Variants in CTNND2 observed in about 807,000 individuals in gnomAD.
CTNND2 encodes catenin delta 2, also known as catenin delta-2.
Under a neutral mutation model 144.4 loss-of-function variants are expected in CTNND2, and 22 were observed. The observed-to-expected ratio is 0.15, with a 90% CI of 0.11 to 0.22. The LOEUF is 0.22. CTNND2 is among the 10% of genes least tolerant of loss of function. The pLI, the probability that CTNND2 is intolerant of heterozygous loss-of-function variation, is 1.00. For synonymous variants in CTNND2, 751 were observed against 695.6 expected, an observed-to-expected ratio of 1.08 and a Z score of -1.25; for missense variants, 1,353 against 1,618.8, an observed-to-expected ratio of 0.84 and a Z score of 2.82.
At chr5:11,391,579 C>A (rs1362602550) in intron 6 of CTNND2, among the ~76,000 whole-genome samples, 2 of 152,208 alleles carry the variant, frequency 1.3e-5, no homozygotes, top group African/African-American at 2.4e-5. Context: ...GTTTTCTTTT[C>A]AAATCGTCTT....
intron 8 of CTNND2, 188 bp downstream of exon 8, chr5:11,364,508 A>G: frequency 2.1e-6 from 1 of 482,778 alleles, no homozygotes; most frequent in Non-Finnish European, 3.5e-6. Context: ...GATTATACCA[A>G]GGTAGCCTGA....
At chr5:11,726,439 A>G (rs2126729409) in intron 2 of CTNND2, among the ~76,000 whole-genome samples, 1 of 152,296 alleles carries the variant, frequency 6.6e-6, no homozygotes. Context: ...ATCTCCCTAA[A>G]TATTTGCAGC....
chr5:11,013,051 C>A (rs958960695), intron 18 of CTNND2, among the ~76,000 whole-genome samples: 4 of 152,164 alleles, frequency 2.6e-5, no homozygotes, highest in Admixed American at 6.5e-5. Flanking sequence ...ATCTCTCTCA[C>A]CTTCCCCTCA....
chr5:11,350,492 T>C (rs1036040615), intron 8 of CTNND2, among the ~76,000 whole-genome samples: 1 of 152,142 alleles, frequency 6.6e-6, no homozygotes, highest in African/African-American at 2.4e-5. Context: ...AAAAAGATTA[T>C]ATATTTAAAA....
At chr5:11,850,575 TA>T (rs1456617210) in intron 1 of CTNND2, among the ~76,000 whole-genome samples, 1 of 152,156 alleles carries the variant, frequency 6.6e-6, no homozygotes, top group East Asian at 1.9e-4. Flanking sequence ...TTATGATTAA[TA>T]AAAAATATTT....
intron 1 of CTNND2, among the ~76,000 whole-genome samples, chr5:11,899,631 A>T (rs1737697742): frequency 6.6e-6 from 1 of 152,230 alleles, no homozygotes; most frequent in Non-Finnish European, 1.5e-5. Flanking sequence ...AGATATGTAT[A>T]AAACATTAGT....
intron 1 of CTNND2, among the ~76,000 whole-genome samples, chr5:11,879,677 C>T: frequency 6.6e-6 from 1 of 152,152 alleles, no homozygotes; most frequent in African/African-American, 2.4e-5. Context: ...TGAAACAAGA[C>T]TTTTTTACTA....
At chr5:11,295,514 C>T (rs1316389000) in intron 9 of CTNND2, among the ~76,000 whole-genome samples, 6 of 152,090 alleles carry the variant, frequency 3.9e-5, no homozygotes, top group South Asian at 2.1e-4. Flanking sequence ...AAAAAGAGCC[C>T]GCATTGCCAA....
intron 15 of CTNND2, 41 bp downstream of exon 15, chr5:11,098,534 A>C: frequency 1.9e-6 from 3 of 1,554,152 alleles, no homozygotes; most frequent in Non-Finnish European, 2.6e-6. Context: ...GGAGTTGCTC[A>C]TAACTCCAGA....
At chr5:11,565,191 T>C (rs1356001158) in intron 2 of CTNND2, 135 bp from the exon 3 acceptor site, 4 of 676,104 alleles carry the variant, frequency 5.9e-6, no homozygotes, top group Admixed American at 4.7e-5. Flanking sequence ...GCAATAAAAC[T>C]AGGATTCGAA....
intron 1 of CTNND2, among the ~76,000 whole-genome samples, chr5:11,864,004 C>T (rs907172809): frequency 3.3e-5 from 5 of 152,204 alleles, no homozygotes; most frequent in Non-Finnish European, 7.3e-5. Context: ...CGGGCCTGCT[C>T]TGCTGATTCA....
intron 11 of CTNND2, among the ~76,000 whole-genome samples, chr5:11,177,458 AT>A (rs1314811240): frequency 6.6e-6 from 1 of 152,164 alleles, no homozygotes; most frequent in Admixed American, 6.5e-5. Context: ...CTAAAAAATT[AT>A]TGGCCTATAC....
rs572284507 is a variant in CTNND2, at chr5:10,973,127, C to T, written c.*326G>A. On this transcript the variant is annotated 3_prime_UTR_variant, in exon 22 of 22. Coordinates refer to ENST00000304623, the MANE Select transcript of CTNND2 (RefSeq NM_001332.4). This position sits in a 1 kb window ranked among gnomAD's most constrained non-coding sequence, Gnocchi z 5.6. The stretch of plus-strand genomic sequence containing the variant: ...GTCTTGTGCTTAACGATAACCCTTA[C>T]GCCCCACCGGCCCGAATGCCTCGTC... The T allele has an allele frequency of 8.9e-4, 200 of 224,776 alleles. 1 individual carries two copies. The highest frequency in any genetic ancestry group is 1.4e-3 in the Non-Finnish European group (166 of 114,856). 13.9% of individuals were successfully genotyped at this position (224,776 alleles called of 1,614,324 possible).
At chr5:11,890,756 G>C (rs1345994042) in intron 1 of CTNND2, among the ~76,000 whole-genome samples, 1 of 152,328 alleles carries the variant, frequency 6.6e-6, no homozygotes, top group South Asian at 2.1e-4. Context: ...TCACTCATAT[G>C]TTATGAAAAA....
chr5:11,373,049 G>A (rs1269775602), intron 7 of CTNND2, among the ~76,000 whole-genome samples: 1 of 152,234 alleles, frequency 6.6e-6, no homozygotes, highest in East Asian at 1.9e-4. Context: ...CAATGCAGGT[G>A]CTCATCAGCT....
At chr5:11,779,582 C>A (rs1790435171) in intron 1 of CTNND2, among the ~76,000 whole-genome samples, 1 of 152,184 alleles carries the variant, frequency 6.6e-6, no homozygotes, top group Non-Finnish European at 1.5e-5. Context: ...GTTGGTAGAG[C>A]TGGCAAGTCA....
chr5:11,732,879 C>T (rs2126744049), intron 1 of CTNND2, among the ~76,000 whole-genome samples: 1 of 152,056 alleles, frequency 6.6e-6, no homozygotes, highest in Non-Finnish European at 1.5e-5. Context: ...ATAAGATCCT[C>T]ATTCCACAGA....
intron 18 of CTNND2, among the ~76,000 whole-genome samples, chr5:11,006,429 C>T (rs373468415): frequency 6.6e-6 from 1 of 152,216 alleles, no homozygotes; most frequent in African/African-American, 2.4e-5. Flanking sequence ...CGTGCCAGAG[C>T]CACAGATGGA....
intron 7 of CTNND2, among the ~76,000 whole-genome samples, chr5:11,376,078 T>C (rs1001866517): frequency 6.6e-6 from 1 of 152,040 alleles, no homozygotes; most frequent in African/African-American, 2.4e-5. Flanking sequence ...GAAGGGGCCA[T>C]CGATGAGCCG....
Sources: gnomAD v4.1 joint callset for allele counts (sites outside exome capture counted in the v4.1 genomes callset) on GRCh38, gnomAD v4.1.1 for gene constraint, Gnocchi (gnomAD v3.1) non-coding constraint, MANE v1.5 for transcripts, NCBI Gene and HGNC (gene_info 2026-07-23, HGNC 2026-07-21) for gene names.